Variants in AGMO observed in about 807,000 individuals in gnomAD.
AGMO encodes the protein glyceryl-ether monooxygenase.
Under a neutral mutation model 60.2 loss-of-function variants are expected in AGMO, and 75 were observed. That is an observed-to-expected ratio of 1.25 (90% CI 1.03 to 1.51). The LOEUF (loss-of-function observed/expected upper bound fraction) is 1.51. Ranked by LOEUF, AGMO falls within the 40% of genes most tolerant of loss-of-function variation. The probability of loss-of-function intolerance (pLI) is 0.00; values close to 1 mark genes in which losing one functional copy is unlikely to be tolerated. For missense variants in AGMO, 763 were observed against 525.5 expected, an observed-to-expected ratio of 1.45 and a Z score of -4.42; for synonymous variants, 261 against 177.1, an observed-to-expected ratio of 1.47 and a Z score of -3.76.
the AGMO span, among the ~76,000 whole-genome samples, chr7:15,180,053 A>C: frequency 6.6e-6 from 1 of 152,082 alleles, no homozygotes; most frequent in Non-Finnish European, 1.5e-5. Context: ...ATGGGAGGAA[A>C]ACCTCCAAGA....
chr7:15,315,540 G>A (rs1346820335), intron 12 of AGMO, among the ~76,000 whole-genome samples: 8 of 151,894 alleles, frequency 5.3e-5, no homozygotes. Context: ...GTTTCACCAT[G>A]TTGGTCAGGA....
At chr7:15,255,936 G>A (rs994808400) in intron 12 of AGMO, among the ~76,000 whole-genome samples, 1 of 152,174 alleles carries the variant, frequency 6.6e-6, no homozygotes, top group Non-Finnish European at 1.5e-5. Flanking sequence ...CTGATCATGG[G>A]ATTCAATCTG....
At chr7:15,144,796 G>A in the AGMO span, among the ~76,000 whole-genome samples, 19 of 152,132 alleles carry the variant, frequency 1.2e-4, no homozygotes, top group African/African-American at 3.4e-4. Flanking sequence ...AGTGGAGGCA[G>A]AACAAGTGGC....
chr7:15,183,701 A>ATTCAATG, the AGMO span, among the ~76,000 whole-genome samples: 1 of 152,196 alleles, frequency 6.6e-6, no homozygotes. Context: ...CAATGTGAGG[A>ATTCAATG]TTCAATGAGT....
In AGMO at chr7:15,361,561, G is replaced by C. The variant is rs545270813; in HGVS notation, c.1263+3953C>G. 4.6e-4 allele frequency among the ~76,000 whole-genome samples: 40 copies of C among 86,982 alleles called. 1 individual carries two copies. The highest frequency in any genetic ancestry group is 3.0e-4 in the East Asian group (1 of 3,354). The allele number at this position is 86,982 out of a possible 152,430, so 57.1% of individuals were successfully genotyped here. On this transcript the variant is annotated intron_variant, in intron 12 of 12. Coordinates refer to ENST00000342526, the MANE Select transcript of AGMO (RefSeq NM_001004320.2). ...TCTCAAAAAAAAAAAAAAAGGTTTT[G>C]AGATTTAGATTAAAGGACATCTATG...
At chr7:15,534,028 A>AT (rs1784428384) in intron 3 of AGMO, among the ~76,000 whole-genome samples, 1 of 152,098 alleles carries the variant, frequency 6.6e-6, no homozygotes, top group Non-Finnish European at 1.5e-5. Flanking sequence ...ACACATACTT[A>AT]TGGCACAAAG....
At chr7:15,269,305 T>C (rs987239003) in intron 12 of AGMO, among the ~76,000 whole-genome samples, 1 of 152,040 alleles carries the variant, frequency 6.6e-6, no homozygotes. Flanking sequence ...ATGAGAGAAG[T>C]GCAAGAAGAT....
intron 3 of AGMO, among the ~76,000 whole-genome samples, chr7:15,504,628 C>T (rs1783464834): frequency 1.3e-5 from 2 of 151,842 alleles, no homozygotes; most frequent in South Asian, 4.1e-4. Context: ...ATAATTCAAC[C>T]TCAGTTAATG....
chr7:15,129,712 G>C, the AGMO span, among the ~76,000 whole-genome samples: 1 of 152,018 alleles, frequency 6.6e-6, no homozygotes, highest in East Asian at 1.9e-4. Flanking sequence ...ATTGCATTAT[G>C]GGTGGTTTTG....
chr7:15,183,851 A>T, the AGMO span, among the ~76,000 whole-genome samples: 1 of 152,202 alleles, frequency 6.6e-6, no homozygotes, highest in Non-Finnish European at 1.5e-5. Flanking sequence ...TTAATGTCAC[A>T]AGGGGCTAAA....
At chr7:15,164,970 G>C in the AGMO span, among the ~76,000 whole-genome samples, 2 of 152,052 alleles carry the variant, frequency 1.3e-5, no homozygotes, top group Non-Finnish European at 2.9e-5. Context: ...CAATAGCAAA[G>C]TCATGTAATT....
At chr7:15,419,747 C>T (rs1780875067) in intron 4 of AGMO, among the ~76,000 whole-genome samples, 1 of 151,768 alleles carries the variant, frequency 6.6e-6, no homozygotes, top group Non-Finnish European at 1.5e-5. Context: ...GGCTCTCATT[C>T]AAGAGATCAA....
the AGMO span, among the ~76,000 whole-genome samples, chr7:15,156,421 G>A: frequency 6.6e-6 from 1 of 152,158 alleles, no homozygotes; most frequent in Non-Finnish European, 1.5e-5. Flanking sequence ...GTTCTATCCA[G>A]TTCCAGCAGC....
intron 5 of AGMO, among the ~76,000 whole-genome samples, chr7:15,401,046 A>T (rs1784540299): frequency 6.6e-6 from 1 of 152,132 alleles, no homozygotes; most frequent in South Asian, 2.1e-4. Context: ...ATGGAAATTG[A>T]TAACCTATGT....
chr7:15,460,323 A>G (rs1325574670), intron 3 of AGMO, among the ~76,000 whole-genome samples: 2 of 151,962 alleles, frequency 1.3e-5, no homozygotes, highest in East Asian at 3.9e-4. Context: ...TCCTGACCTC[A>G]AGTCATCCAC....
At chr7:15,560,013 G>T in intron 2 of AGMO, 128 bp downstream of exon 2, 2 of 863,600 alleles carry the variant, frequency 2.3e-6, no homozygotes, top group Non-Finnish European at 1.7e-6. Flanking sequence ...TTTAAATAAT[G>T]ACATGAACTG....
chr7:15,226,491 A>T (rs79707301), intron 12 of AGMO, among the ~76,000 whole-genome samples: 1 of 152,024 alleles, frequency 6.6e-6, no homozygotes, highest in South Asian at 2.1e-4. Flanking sequence ...TTTTCTATGG[A>T]CCCCACATTA....
intron 3 of AGMO, among the ~76,000 whole-genome samples, chr7:15,518,691 G>T (rs1783892046): frequency 6.6e-6 from 1 of 152,016 alleles, no homozygotes; most frequent in African/African-American, 2.4e-5. Context: ...AAGACCAAAG[G>T]TAGACAAATC....
intron 3 of AGMO, among the ~76,000 whole-genome samples, chr7:15,436,614 C>T (rs1287658165): frequency 2.0e-5 from 3 of 151,720 alleles, no homozygotes; most frequent in African/African-American, 7.3e-5. Flanking sequence ...ATTACTTAAT[C>T]CAAACTTTTA....
Sources: allele counts gnomAD v4.1 joint callset (sites outside exome capture counted in the v4.1 genomes callset), GRCh38; gene constraint gnomAD v4.1.1; transcripts MANE v1.5; gene names NCBI Gene and HGNC (gene_info 2026-07-23, HGNC 2026-07-21).